DNAH8: variants seen among roughly 807,000 people sequenced by gnomAD.
DNAH8 encodes the protein axonemal beta dynein heavy chain 8.
DNAH8 carries 382 observed loss-of-function variants against 562.1 expected under a neutral mutation model. The observed-to-expected ratio is 0.68, with a 90% confidence interval of 0.63 to 0.74. DNAH8 has a LOEUF of 0.74. DNAH8 is among the 30% of genes least tolerant of loss of function. The probability of loss-of-function intolerance (pLI) is 0.00; values close to 1 mark genes in which losing one functional copy is unlikely to be tolerated. For missense variants in DNAH8, 5,203 were observed against 5,620.4 expected, an observed-to-expected ratio of 0.93 and a Z score of 2.37; for synonymous variants, 1,881 against 1,919.4, an observed-to-expected ratio of 0.98 and a Z score of 0.52.
chr6:38,952,201 G>A (rs1002438068), intron 82 of DNAH8, among the ~76,000 whole-genome samples: 1 of 152,174 alleles, frequency 6.6e-6, no homozygotes, highest in Non-Finnish European at 1.5e-5. Flanking sequence ...AGGTGGGGTG[G>A]TGGGAGATAG....
intron 12 of DNAH8, among the ~76,000 whole-genome samples, chr6:38,775,043 G>A (rs1162797741): frequency 6.6e-6 from 1 of 152,184 alleles, no homozygotes; most frequent in Non-Finnish European, 1.5e-5. Flanking sequence ...TGTGGTATTT[G>A]GAAGATTCTC....
intron 59 of DNAH8, among the ~76,000 whole-genome samples, chr6:38,895,115 T>G (rs1442385857): frequency 1.3e-5 from 2 of 151,938 alleles, no homozygotes; most frequent in African/African-American, 4.8e-5. Flanking sequence ...GTTGTTGTAT[T>G]TTTAGTAGAG....
chr6:38,869,649 AT>A (rs1561789642), intron 48 of DNAH8, among the ~76,000 whole-genome samples: 1 of 152,204 alleles, frequency 6.6e-6, no homozygotes, highest in East Asian at 1.9e-4. Context: ...TTTTGCAGCC[AT>A]TGTTGGATGA....
At chr6:38,733,422 A>T (rs1464601276) in intron 4 of DNAH8, among the ~76,000 whole-genome samples, 2 of 152,176 alleles carry the variant, frequency 1.3e-5, no homozygotes, top group Non-Finnish European at 2.9e-5. Flanking sequence ...CAGGAACTGG[A>T]CCTTCTTGGG....
intron 21 of DNAH8, among the ~76,000 whole-genome samples, chr6:38,797,553 G>T (rs1678676): frequency 0.15 from 22,900 of 151,826 alleles, 1,870 homozygotes; most frequent in East Asian, 0.29. Flanking sequence ...TTAATTGCCC[G>T]TTTGTTTGTG....
At chr6:38,997,464 G>A (rs71571356) in intron 88 of DNAH8, among the ~76,000 whole-genome samples, 1 of 152,200 alleles carries the variant, frequency 6.6e-6, no homozygotes, top group African/African-American at 2.4e-5. Context: ...GGGAGCTGGG[G>A]TAGTGGAGGA....
intron 28 of DNAH8, among the ~76,000 whole-genome samples, chr6:38,825,599 T>G (rs1773243449): frequency 1.3e-5 from 2 of 152,102 alleles, no homozygotes; most frequent in Admixed American, 1.3e-4. Context: ...TGGCTCCTCC[T>G]CAAGCCTCAT....
At position 38,896,165 on chromosome 6, in the gene DNAH8, A is replaced by T. The variant is rs774972147; in HGVS notation, c.8880A>T (p.Pro2960=). The change falls in exon 60 of 93, where the codon CCA becomes CCT. Residue 2960 remains proline (P), a synonymous_variant. Coordinates refer to ENST00000327475, the MANE Select transcript of DNAH8 (RefSeq NM_001206927.2). ...PYFVDFLREM[P]EPTGDEPEDS... is the part of the protein sequence containing the mutation. ...TTGTGGATTTTCTTCGTGAGATGCC[A>T]GAACCAACTGGTGATGAACCTGAAG... 3.5e-5 allele frequency: 57 copies of T among 1,614,004 alleles called. No individual in the cohort carries two copies. Among genetic ancestry groups the T allele is most frequent in the Admixed American group, 2.5e-4 (15 of 60,002 alleles).
intron 30 of DNAH8, among the ~76,000 whole-genome samples, chr6:38,829,355 T>C (rs969987041): frequency 1.3e-5 from 2 of 152,190 alleles, no homozygotes; most frequent in Non-Finnish European, 2.9e-5. Flanking sequence ...AGTTTATCTT[T>C]TTATTGTTGT....
intron 29 of DNAH8, among the ~76,000 whole-genome samples, chr6:38,826,879 G>A (rs1213662891): frequency 6.6e-6 from 1 of 152,176 alleles, no homozygotes; most frequent in Non-Finnish European, 1.5e-5. Flanking sequence ...GAAACAGTAT[G>A]AGTTTTCTAT....
intron 53 of DNAH8, among the ~76,000 whole-genome samples, chr6:38,882,682 A>G (rs984582865): frequency 1.3e-5 from 2 of 152,216 alleles, no homozygotes; most frequent in Non-Finnish European, 2.9e-5. Flanking sequence ...CTGCACATGT[A>G]TCCCTGAACC....
intron 10 of DNAH8, among the ~76,000 whole-genome samples, chr6:38,757,624 AG>A (rs1329114952): frequency 5.9e-5 from 9 of 152,184 alleles, no homozygotes; most frequent in Non-Finnish European, 7.3e-5. Flanking sequence ...GGTATTGCCT[AG>A]GTTTTCTTCT....
At chr6:38,868,485 A>T (rs2150423739) in intron 48 of DNAH8, among the ~76,000 whole-genome samples, 1 of 152,290 alleles carries the variant, frequency 6.6e-6, no homozygotes, top group African/African-American at 2.4e-5. Flanking sequence ...TCACAAAGTG[A>T]CACAAATTCT....
chr6:39,025,569 A>G (rs994222671), intron 91 of DNAH8, among the ~76,000 whole-genome samples: 3 of 152,142 alleles, frequency 2.0e-5, no homozygotes, highest in African/African-American at 7.2e-5. Flanking sequence ...TCCAACTCCA[A>G]GGGATCTCGA....
In DNAH8 at chr6:38,848,724, T is replaced by A. The variant is rs192383980; in HGVS notation, c.5122T>A (p.Trp1708Arg). 11 of 1,613,040 alleles carry A rather than the reference T, an allele frequency of 6.8e-6. No individual in the cohort carries two copies. The East Asian group carries it at 1.6e-4, about 23-fold the overall frequency. The change falls in exon 37 of 93, where the codon TGG becomes AGG. Residue 1708 changes from tryptophan (W) to arginine (R), a missense_variant. Trp to Arg is a moderately radical substitution (Grantham distance 101). This residue lies in a region of DNAH8 where 2,176 missense variants were observed against 2,365.1 expected (regional missense o/e 0.92). Transcript: ENST00000327475. ...CACTTCCTCAGATATAATTGAAGAG[T>A]GGCTCGTAGTACAGAACCTTTGGGT... ...LSTSSDIIEEWLVVQNLWVYL... is the reference protein window; with the variant it reads ...LSTSSDIIEERLVVQNLWVYL...
At chr6:38,890,181 A>G (rs1317330052) in intron 57 of DNAH8, among the ~76,000 whole-genome samples, 1 of 152,152 alleles carries the variant, frequency 6.6e-6, no homozygotes, top group Non-Finnish European at 1.5e-5. Flanking sequence ...ATACCAGTCC[A>G]TGTGACCTTG....
At chr6:38,852,889 G>T in intron 40 of DNAH8, 91 bp downstream of exon 40, 2 of 987,072 alleles carry the variant, frequency 2.0e-6, no homozygotes, top group Non-Finnish European at 3.1e-6. Flanking sequence ...AAAAACAGGA[G>T]GAGAGGGAGT....
intron 82 of DNAH8, among the ~76,000 whole-genome samples, chr6:38,962,182 G>A (rs1762649272): frequency 6.6e-6 from 1 of 152,010 alleles, no homozygotes; most frequent in Admixed American, 6.5e-5. Flanking sequence ...TCCCAGTATA[G>A]AGATTCAATG....
At chr6:38,775,413 A>G (rs558187659) in intron 12 of DNAH8, among the ~76,000 whole-genome samples, 2 of 152,344 alleles carry the variant, frequency 1.3e-5, no homozygotes, top group African/African-American at 4.8e-5. Flanking sequence ...TGAGTCCAGT[A>G]ATCCAGTGAA....
Sources: allele counts gnomAD v4.1 joint callset (sites outside exome capture counted in the v4.1 genomes callset), GRCh38; gene constraint gnomAD v4.1.1; regional missense constraint gnomAD v4.1.1; transcripts MANE v1.5; gene names NCBI Gene and HGNC (gene_info 2026-07-23, HGNC 2026-07-21).